MYLK: variants seen among roughly 807,000 people sequenced by gnomAD.
MYLK encodes the protein myosin light chain kinase.
In MYLK, 106 loss-of-function variants were observed where a neutral mutation model predicts 203.4. The ratio of observed to expected loss-of-function variants is 0.52; its 90% CI spans 0.45 to 0.61. MYLK has a LOEUF of 0.61. Ranked by LOEUF, MYLK falls within the 20% of genes least tolerant of loss-of-function variation. MYLK has a pLI of 0.00. For missense variants in MYLK, 2,072 were observed against 2,442.3 expected, an observed-to-expected ratio of 0.85 and a Z score of 3.20; for synonymous variants, 867 against 959.5, an observed-to-expected ratio of 0.90 and a Z score of 1.78.
At chr3:123,868,893 C>T (rs2032537617) in intron 2 of MYLK, among the ~76,000 whole-genome samples, 1 of 152,116 alleles carries the variant, frequency 6.6e-6, no homozygotes, top group African/African-American at 2.4e-5. Context: ...TTTTAGGTAG[C>T]AGGGGATTAA....
chr3:123,640,544 C>T lies in MYLK; in HGVS notation c.4620-40G>A. 1 of 1,608,696 alleles carries T rather than the reference C, an allele frequency of 6.2e-7. No homozygotes were observed. Among genetic ancestry groups the T allele is most frequent in the Non-Finnish European group, 8.5e-7 (1 of 1,176,372 alleles). On this transcript the variant is annotated intron_variant, in intron 27 of 33. Coordinates refer to ENST00000360304, the MANE Select transcript of MYLK (RefSeq NM_053025.4). The surrounding 1 kb of genome is among the most constrained non-coding windows in gnomAD (Gnocchi z 4.3). ...GCACGGGGTGGTCAGGCCACAGGCT[C>T]ATGGAGGCCAGGCTGGCAGGGAGTC...
chr3:123,706,037 G>A (rs568499361), intron 16 of MYLK, among the ~76,000 whole-genome samples: 1 of 152,258 alleles, frequency 6.6e-6, no homozygotes, highest in East Asian at 1.9e-4. Context: ...ATAATGCAAA[G>A]GCAGTTGATG....
intron 3 of MYLK, among the ~76,000 whole-genome samples, chr3:123,820,644 C>CCTTCCT (rs1560259887): frequency 1.3e-3 from 35 of 26,064 alleles, no homozygotes; most frequent in African/African-American, 2.2e-3. Context: ...CCTTCCTTCC[C>CCTTCCT]TCCTTCCTTC....
intron 4 of MYLK, among the ~76,000 whole-genome samples, chr3:123,766,104 T>A (rs1289930981): frequency 6.6e-6 from 1 of 152,210 alleles, no homozygotes; most frequent in Non-Finnish European, 1.5e-5. Context: ...AATAAAAAAG[T>A]CAATGAGCCA....
intron 24 of MYLK, among the ~76,000 whole-genome samples, chr3:123,653,500 TG>T (rs1272278590): frequency 1.3e-5 from 2 of 152,138 alleles, no homozygotes; most frequent in African/African-American, 4.8e-5. Context: ...AAGCCCTGGG[TG>T]GACTGGACTC....
At chr3:123,650,264 C>T (rs1181369790) in intron 24 of MYLK, among the ~76,000 whole-genome samples, 4 of 152,196 alleles carry the variant, frequency 2.6e-5, no homozygotes, top group African/African-American at 4.8e-5. Flanking sequence ...CTGGATGCCA[C>T]GCTTCGTCAT....
Position 123,804,440 on chromosome 3 carries a change from GC to G in MYLK, c.-3-10597del, listed in dbSNP as rs1416897694. On this transcript the variant is annotated intron_variant, in intron 3 of 33. Transcript: ENST00000360304. The stretch of plus-strand genomic sequence containing the variant: ...CCTCTCCAACAGTGGTCTGTGAGAA[GC>G]CTAGGAAAGCCCACTTGAGAAAAGA... Among the ~76,000 whole-genome samples the G allele has an allele frequency of 2.6e-5, 4 of 152,266 alleles. No homozygotes were observed. The East Asian group carries it at 7.7e-4, about 29-fold the overall frequency.
At chr3:123,723,678 C>T (rs563508802) in intron 12 of MYLK, among the ~76,000 whole-genome samples, 1 of 152,342 alleles carries the variant, frequency 6.6e-6, no homozygotes, top group East Asian at 1.9e-4. Context: ...ACATTAGGCT[C>T]TCCCAGCTCG....
At chr3:123,709,697 C>T in intron 14 of MYLK, 59 bp downstream of exon 14, 2 of 1,606,310 alleles carry the variant, frequency 1.2e-6, no homozygotes, top group Non-Finnish European at 1.7e-6. Flanking sequence ...GAGAGCAATA[C>T]CCATTGCAAC....
At chr3:123,722,532 A>G (rs1268424390) in intron 12 of MYLK, among the ~76,000 whole-genome samples, 1 of 152,156 alleles carries the variant, frequency 6.6e-6, no homozygotes, top group African/African-American at 2.4e-5. Flanking sequence ...GACGGGGCCT[A>G]GAGGGATGGG....
At chr3:123,812,754 C>T (rs557106918) in intron 3 of MYLK, among the ~76,000 whole-genome samples, 22 of 152,334 alleles carry the variant, frequency 1.4e-4, no homozygotes, top group Middle Eastern at 6.8e-3. Context: ...GTGCCTGTCA[C>T]GGCTTCTCCG....
chr3:123,732,882 A>T lies in MYLK; in HGVS notation c.1516+14T>A. 6.2e-7 allele frequency: 1 copy of T among 1,610,604 alleles called. No individual in the cohort carries two copies. The highest frequency in any genetic ancestry group is 2.2e-5 in the East Asian group (1 of 44,860). ...CCACAGAGAATGCGGGGTGACCTGGAGAAGTGTACTCACTTTCCACTTGGA... is the reference window on the plus strand; with the variant it reads ...CCACAGAGAATGCGGGGTGACCTGGTGAAGTGTACTCACTTTCCACTTGGA... On this transcript the variant is annotated intron_variant, in intron 11 of 33. Transcript: ENST00000360304.
chr3:123,719,607 TCA>T (rs2062018928), intron 13 of MYLK, among the ~76,000 whole-genome samples: 2 of 152,204 alleles, frequency 1.3e-5, no homozygotes, highest in Admixed American at 6.5e-5. Flanking sequence ...CATCTCCATT[TCA>T]CACAAGAGGA....
At chr3:123,649,330 C>T (rs1033336495) in intron 24 of MYLK, 136 bp from the exon 25 acceptor site, 1 of 1,140,560 alleles carries the variant, frequency 8.8e-7, no homozygotes, top group Non-Finnish European at 1.3e-6. Context: ...GAGCTCTGGG[C>T]ATCCCCTGGG....
chr3:123,768,003 C>T (rs892970856), intron 4 of MYLK, among the ~76,000 whole-genome samples: 1 of 152,180 alleles, frequency 6.6e-6, no homozygotes, highest in African/African-American at 2.4e-5. Flanking sequence ...AGCCCCTAGG[C>T]TCTGGGAATG....
intron 2 of MYLK, among the ~76,000 whole-genome samples, chr3:123,860,064 C>T (rs1475261257): frequency 6.6e-6 from 1 of 152,082 alleles, no homozygotes; most frequent in Non-Finnish European, 1.5e-5. Context: ...TGAGCAATGG[C>T]ATCATCACTA....
chr3:123,874,441 C>T (rs923023900), intron 2 of MYLK, among the ~76,000 whole-genome samples: 7 of 152,068 alleles, frequency 4.6e-5, no homozygotes, highest in South Asian at 2.1e-4. Flanking sequence ...TTCATATGCA[C>T]AACAGAATCT....
In MYLK at chr3:123,611,439, G is replaced by GTGATGA. The variant is rs71274255; in HGVS notation, c.*2660_*2665dup. 55,835 of 150,626 alleles carry GTGATGA rather than the reference G, an allele frequency of 0.37. 15,425 individuals are homozygous for GTGATGA. Among genetic ancestry groups the GTGATGA allele is most frequent in the African/African-American group, 0.76 (30,841 of 40,706 alleles). The allele number at this position is 150,626 out of a possible 1,614,324, so 9.3% of individuals were successfully genotyped here. A position where few individuals can be genotyped will look rare whatever the true frequency, so the allele number is the denominator to read the frequency against. ...CATGCCCTGGTAAATAGTATCATCA[G>GTGATGA]TGATGATGATGATGATGATGATGAT... is the stretch of plus-strand genomic sequence containing the variant. On this transcript the variant is annotated 3_prime_UTR_variant, in exon 34 of 34. Transcript: ENST00000360304.
At chr3:123,734,244 GGTAGGGTGGGT>G in intron 9 of MYLK, 22 bp from the exon 10 acceptor site, 1 of 1,437,896 alleles carries the variant, frequency 7.0e-7, no homozygotes, top group Non-Finnish European at 9.2e-7. Flanking sequence ...TGAGGGTGGG[GGTAGGGTGGGT>G]GAGGAGAGGG....
Sources: allele counts gnomAD v4.1 joint callset (sites outside exome capture counted in the v4.1 genomes callset), GRCh38; gene constraint gnomAD v4.1.1; non-coding constraint Gnocchi (gnomAD v3.1); transcripts MANE v1.5; gene names NCBI Gene and HGNC (gene_info 2026-07-23, HGNC 2026-07-21).